Variants in FGF1 observed in about 807,000 individuals in gnomAD.
The protein encoded by FGF1 is fibroblast growth factor 1.
A neutral mutation model predicts 13.4 loss-of-function variants in FGF1; 9 were observed. The ratio of observed to expected loss-of-function variants is 0.67; its 90% confidence interval spans 0.40 to 1.17. FGF1 has a LOEUF of 1.17. FGF1 is among the 50% of genes most tolerant of loss of function. FGF1 has a pLI of 0.01. For missense variants in FGF1, 156 were observed against 192.7 expected (o/e 0.81, Z 1.13); for synonymous variants, 93 against 79.0 (o/e 1.18, Z -0.94).
chr5:142,649,212 G>A (rs778574855), intron 1 of FGF1, among the ~76,000 whole-genome samples: 1 of 152,122 alleles, frequency 6.6e-6, no homozygotes, highest in Non-Finnish European at 1.5e-5. Context: ...CAACTGCTCT[G>A]ATGAATTGTG....
At chr5:142,691,175 C>T (rs769460921) in intron 2 of FGF1, among the ~76,000 whole-genome samples, 1 of 152,124 alleles carries the variant, frequency 6.6e-6, no homozygotes, top group Non-Finnish European at 1.5e-5. Flanking sequence ...AATCCCAGCA[C>T]TTTGGGAGGC....
rs2151804268 is a variant in FGF1, at chr5:142,595,182, G to A, written c.*108C>T. On this transcript the variant is annotated 3_prime_UTR_variant, in exon 4 of 4. Coordinates refer to ENST00000337706, the MANE Select transcript of FGF1 (RefSeq NM_000800.5). ...CAAGTTGCTTACAAATTCAGGCTCT[G>A]TGGGCTGGGGGTTAGCGCAGCCAAT... 1.2e-6 allele frequency: 1 copy of A among 867,528 alleles called. No individual in the cohort carries two copies. The highest frequency in any genetic ancestry group is 1.7e-5 in the South Asian group (1 of 58,532). 53.7% of individuals were successfully genotyped at this position (867,528 alleles called of 1,614,324 possible).
intron 1 of FGF1, among the ~76,000 whole-genome samples, chr5:142,644,856 A>C (rs1469112272): frequency 1.3e-5 from 2 of 152,238 alleles, no homozygotes; most frequent in East Asian, 3.8e-4. Context: ...AACAAGCAAC[A>C]AAACCTTAGC....
intron 1 of FGF1, among the ~76,000 whole-genome samples, chr5:142,640,166 G>C (rs1403578029): frequency 1.3e-5 from 2 of 151,934 alleles, no homozygotes; most frequent in African/African-American, 4.9e-5. Flanking sequence ...AGAAGAGACT[G>C]AATTAGACTA....
intron 1 of FGF1, among the ~76,000 whole-genome samples, chr5:142,674,006 T>C (rs142850709): frequency 6.6e-6 from 1 of 152,294 alleles, no homozygotes; most frequent in Non-Finnish European, 1.5e-5. Flanking sequence ...ACCAAGCTCA[T>C]GCCCACCACA....
rs1434839322 is a variant in FGF1 at position 142,592,497 on chromosome 5, C to G, written c.*2793G>C. The G allele has an allele frequency of 2.5e-6, 1 of 398,286 alleles. No individual in the cohort carries two copies. The highest frequency in any genetic ancestry group is 4.4e-6 in the Non-Finnish European group (1 of 225,926). The allele number at this position is 398,286 out of a possible 1,614,324, so 24.7% of individuals were successfully genotyped here. A position where few individuals can be genotyped will look rare whatever the true frequency, so the allele number is the denominator to read the frequency against. Reference sequence around the variant, plus strand: ...CCACCACCATCACATTGCAAACGACCAAAAGCACATATGTTCATGATGCTT... The same window carrying G: ...CCACCACCATCACATTGCAAACGACGAAAAGCACATATGTTCATGATGCTT... On this transcript the variant is annotated 3_prime_UTR_variant, in exon 4 of 4. Coordinates refer to ENST00000337706, the MANE Select transcript of FGF1 (RefSeq NM_000800.5).
intron 1 of FGF1, among the ~76,000 whole-genome samples, chr5:142,671,462 TAGAA>T (rs1265548428): frequency 2.0e-5 from 3 of 152,232 alleles, no homozygotes; most frequent in Non-Finnish European, 4.4e-5. Context: ...AGCTGCTACA[TAGAA>T]AGGAAGGCTA....
At chr5:142,603,268 C>T (rs940361487) in intron 2 of FGF1, among the ~76,000 whole-genome samples, 1 of 152,164 alleles carries the variant, frequency 6.6e-6, no homozygotes, top group Non-Finnish European at 1.5e-5. Context: ...GACATTCTTC[C>T]TCCAGATATT....
intron 1 of FGF1, among the ~76,000 whole-genome samples, chr5:142,637,112 A>G (rs1232349148): frequency 6.6e-6 from 1 of 151,938 alleles, no homozygotes; most frequent in Non-Finnish European, 1.5e-5. Flanking sequence ...CAGCCAGGAC[A>G]CCTTGAGTAT....
intron 1 of FGF1, chr5:142,626,589 C>T (rs998006180): frequency 2.6e-5 from 4 of 152,208 alleles, no homozygotes; most frequent in Non-Finnish European, 4.4e-5. Flanking sequence ...GGAACGTGTA[C>T]AGCCCATTCG....
At chr5:142,679,835 T>C (rs9324892) in intron 1 of FGF1, 42,748 of 152,154 alleles carry the variant, frequency 0.28, 6,116 homozygotes, top group Middle Eastern at 0.32. Context: ...GAATCTGGCT[T>C]TCTACGGGGT....
chr5:142,664,989 T>A (rs939732776), intron 1 of FGF1, among the ~76,000 whole-genome samples: 1 of 152,166 alleles, frequency 6.6e-6, no homozygotes, highest in Admixed American at 6.5e-5. Context: ...TTAATGAGGA[T>A]GATAAAAACA....
At position 142,664,852 on chromosome 5, in the gene FGF1, C is replaced by T. The variant is rs114402214; in HGVS notation, c.-35+21105G>A. Among the ~76,000 whole-genome samples, 137 of 152,298 alleles carry T rather than the reference C, an allele frequency of 9.0e-4. 2 individuals carry two copies. The highest frequency in any genetic ancestry group is 3.2e-3 in the African/African-American group (133 of 41,554). On this transcript the variant is annotated intron_variant, in intron 1 of 3. Transcript: ENST00000337706. The stretch of plus-strand genomic sequence containing the variant: ...ATGTGGGCGAGGTGACGTCACCTCT[C>T]TGAACCTCAGTTTCCTCTTTTCTAT...
intron 1 of FGF1, among the ~76,000 whole-genome samples, chr5:142,645,598 A>G (rs552779568): frequency 6.6e-6 from 1 of 152,324 alleles, no homozygotes; most frequent in East Asian, 1.9e-4. Flanking sequence ...AGGCATTGGG[A>G]TAAGTAAGAA....
chr5:142,635,469 C>T (rs1190799870), intron 1 of FGF1, among the ~76,000 whole-genome samples: 5 of 152,234 alleles, frequency 3.3e-5, no homozygotes, highest in African/African-American at 1.2e-4. Flanking sequence ...CCCCCCGCCC[C>T]TTCCACAGAA....
intron 1 of FGF1, among the ~76,000 whole-genome samples, chr5:142,640,426 T>TGG (rs771167178): frequency 0.3 from 20,770 of 69,174 alleles, 3,425 homozygotes; most frequent in Non-Finnish European, 0.37. Context: ...TGGAGTATGG[T>TGG]GGGGGGGGGG....
At chr5:142,696,322 G>A (rs1032592513) in intron 2 of FGF1, among the ~76,000 whole-genome samples, 16 of 152,044 alleles carry the variant, frequency 1.1e-4, no homozygotes, top group Admixed American at 6.6e-5. Flanking sequence ...CATTGACTTC[G>A]GCCACCCTGC....
intron 2 of FGF1, among the ~76,000 whole-genome samples, chr5:142,609,681 G>C (rs1481366127): frequency 1.3e-5 from 2 of 152,232 alleles, no homozygotes; most frequent in African/African-American, 4.8e-5. Context: ...TGAAAGGTCA[G>C]CTGGTTAGGT....
intron 2 of FGF1, among the ~76,000 whole-genome samples, chr5:142,603,600 G>T (rs1757044067): frequency 6.6e-6 from 1 of 152,178 alleles, no homozygotes; most frequent in Non-Finnish European, 1.5e-5. Flanking sequence ...GCACACAGGG[G>T]GCAGTCTACA....
Sources: allele counts gnomAD v4.1 joint callset (sites outside exome capture counted in the v4.1 genomes callset), GRCh38; gene constraint gnomAD v4.1.1; transcripts MANE v1.5; gene names NCBI Gene and HGNC (gene_info 2026-07-23, HGNC 2026-07-21).